FSTL4: variants seen among roughly 807,000 people sequenced by gnomAD.
The protein encoded by FSTL4 is follistatin-related protein 4.
A neutral mutation model predicts 78.2 loss-of-function variants in FSTL4; 28 were observed. The ratio of observed to expected loss-of-function variants is 0.36; its 90% CI spans 0.27 to 0.49. The LOEUF is 0.49. Ranked by LOEUF, FSTL4 falls within the 20% of genes least tolerant of loss-of-function variation. The pLI is 0.98. For synonymous variants in FSTL4, 422 were observed against 440.5 expected (o/e 0.96, Z 0.53); for missense variants, 922 against 1,084.9 (o/e 0.85, Z 2.11).
At chr5:133,665,357 A>G in the FSTL4 span, among the ~76,000 whole-genome samples, 1 of 151,982 alleles carries the variant, frequency 6.6e-6, no homozygotes, top group Non-Finnish European at 1.5e-5. Flanking sequence ...TTGTTATAGA[A>G]AGAACAAGAA....
upstream of FSTL4, among the ~76,000 whole-genome samples, chr5:133,614,571 C>A (rs1432515738): frequency 1.3e-5 from 2 of 152,192 alleles, no homozygotes; most frequent in African/African-American, 4.8e-5. Flanking sequence ...GTAACCTTGA[C>A]ACCTCTTTGA....
At chr5:133,628,053 C>A in the FSTL4 span, among the ~76,000 whole-genome samples, 29 of 152,110 alleles carry the variant, frequency 1.9e-4, no homozygotes, top group African/African-American at 6.5e-4. Flanking sequence ...TAAATAAGTT[C>A]TTTGATACCA....
chr5:133,755,223 G>A, the FSTL4 span, among the ~76,000 whole-genome samples: 3 of 152,124 alleles, frequency 2.0e-5, no homozygotes, highest in South Asian at 4.2e-4. Context: ...TTTTGGCCAA[G>A]GGCAATTCCT....
chr5:133,716,773 T>C, the FSTL4 span, among the ~76,000 whole-genome samples: 36 of 152,338 alleles, frequency 2.4e-4, no homozygotes, highest in African/African-American at 8.4e-4. Flanking sequence ...AGCAAAACAA[T>C]AGTCTCTTAT....
intron 7 of FSTL4, among the ~76,000 whole-genome samples, chr5:133,235,173 C>G (rs538703768): frequency 1.2e-3 from 187 of 152,144 alleles, no homozygotes; most frequent in African/African-American, 2.8e-3. Flanking sequence ...ACAATGGTCC[C>G]GAAACCCCTT....
intron 2 of FSTL4, among the ~76,000 whole-genome samples, chr5:133,567,665 C>T (rs1025655145): frequency 6.6e-6 from 1 of 152,248 alleles, no homozygotes. Context: ...ACCACTGCTA[C>T]TGGATATGTC....
At chr5:133,382,874 G>A (rs1247404022) in intron 4 of FSTL4, among the ~76,000 whole-genome samples, 1 of 152,122 alleles carries the variant, frequency 6.6e-6, no homozygotes, top group Non-Finnish European at 1.5e-5. Context: ...AAATGAAATA[G>A]GAGGTGAGAA....
At chr5:133,494,795 C>T (rs1758337423) in intron 3 of FSTL4, among the ~76,000 whole-genome samples, 2 of 152,202 alleles carry the variant, frequency 1.3e-5, no homozygotes, top group Non-Finnish European at 2.9e-5. Context: ...TGAGGAAACC[C>T]CGCTCCTGAG....
At chr5:133,528,602 C>A (rs114812674) in intron 3 of FSTL4, among the ~76,000 whole-genome samples, 161 of 152,312 alleles carry the variant, frequency 1.1e-3, no homozygotes, top group African/African-American at 3.7e-3. Flanking sequence ...CAGAGCCTGG[C>A]ACGCTCCTCT....
chr5:133,841,672 C>T, the FSTL4 span, among the ~76,000 whole-genome samples: 4 of 152,184 alleles, frequency 2.6e-5, no homozygotes, highest in African/African-American at 9.7e-5. Flanking sequence ...CCAGAGCCAA[C>T]GCCACCCAAC....
the FSTL4 span, among the ~76,000 whole-genome samples, chr5:133,752,901 T>C: frequency 6.6e-6 from 1 of 152,162 alleles, no homozygotes; most frequent in Non-Finnish European, 1.5e-5. Context: ...TTTCTTGCGC[T>C]CTGAGCCCCA....
At chr5:133,462,925 G>A (rs2065502997) in intron 3 of FSTL4, among the ~76,000 whole-genome samples, 2 of 151,828 alleles carry the variant, frequency 1.3e-5, no homozygotes, top group Non-Finnish European at 2.9e-5. Context: ...GCTGCGCCTG[G>A]GCCAAGGTCT....
At chr5:133,661,187 A>C in the FSTL4 span, among the ~76,000 whole-genome samples, 1 of 152,110 alleles carries the variant, frequency 6.6e-6, no homozygotes, top group African/African-American at 2.4e-5. Context: ...ATGGGGTTTC[A>C]CCATGTTGGC....
At chr5:133,481,479 T>C (rs1337652010) in intron 3 of FSTL4, among the ~76,000 whole-genome samples, 1 of 149,024 alleles carries the variant, frequency 6.7e-6, no homozygotes, top group African/African-American at 2.5e-5. Flanking sequence ...GAAGCAGAGG[T>C]TGCAGTGAGC....
chr5:133,385,175 G>A (rs1755670918), intron 4 of FSTL4, among the ~76,000 whole-genome samples: 1 of 152,218 alleles, frequency 6.6e-6, no homozygotes, highest in African/African-American at 2.4e-5. Flanking sequence ...ACTAGGCCTG[G>A]TACACAGCAG....
the FSTL4 span, among the ~76,000 whole-genome samples, chr5:133,656,120 T>A: frequency 6.6e-6 from 1 of 152,158 alleles, no homozygotes; most frequent in Non-Finnish European, 1.5e-5. Context: ...CAAGGATTCA[T>A]GGGCAGGTAG....
chr5:133,319,886 C>T (rs1002327922), intron 4 of FSTL4, among the ~76,000 whole-genome samples: 3 of 152,172 alleles, frequency 2.0e-5, no homozygotes, highest in Non-Finnish European at 2.9e-5. Context: ...GTCATTTGTC[C>T]GAAATTACTG....
intron 4 of FSTL4, among the ~76,000 whole-genome samples, chr5:133,387,419 G>T (rs970552125): frequency 6.6e-6 from 1 of 152,152 alleles, no homozygotes; most frequent in Admixed American, 6.5e-5. Context: ...CCGTGAATGA[G>T]AATGTGTATT....
the FSTL4 span, among the ~76,000 whole-genome samples, chr5:133,661,901 TATTTAGTC>T: frequency 6.6e-6 from 1 of 152,270 alleles, no homozygotes; most frequent in Non-Finnish European, 1.5e-5. Context: ...CTTATTCATT[TATTTAGTC>T]ACTCATCGTG....
Sources: gnomAD v4.1 joint callset for allele counts (sites outside exome capture counted in the v4.1 genomes callset) on GRCh38, gnomAD v4.1.1 for gene constraint, MANE v1.5 for transcripts, NCBI Gene and HGNC (gene_info 2026-07-23, HGNC 2026-07-21) for gene names.